CLMP: variants seen among roughly 807,000 people sequenced by gnomAD.
CLMP encodes CXADR like cell adhesion molecule, also known as CXADR-like membrane protein.
CLMP carries 27 observed loss-of-function variants against 45.2 expected under a neutral mutation model. That is an observed-to-expected ratio of 0.60 (90% CI 0.44 to 0.82). The LOEUF (loss-of-function observed/expected upper bound fraction) is 0.82, where lower values mean the gene tolerates loss of function less well. Ranked by LOEUF, CLMP falls within the 40% of genes least tolerant of loss-of-function variation. The pLI is 0.00. For synonymous variants in CLMP, 167 were observed against 171.4 expected (o/e 0.97, Z 0.20); for missense variants, 403 against 448.4 (o/e 0.90, Z 0.91).
At chr11:123,170,190 T>C (rs1861611021) in intron 1 of CLMP, among the ~76,000 whole-genome samples, 1 of 152,124 alleles carries the variant, frequency 6.6e-6, no homozygotes, top group Non-Finnish European at 1.5e-5. Flanking sequence ...ATATTTGGGG[T>C]TAAAATATTT....
intron 5 of CLMP, among the ~76,000 whole-genome samples, chr11:123,077,618 C>T (rs1316375101): frequency 6.6e-6 from 1 of 152,090 alleles, no homozygotes. Flanking sequence ...GAGCCACATG[C>T]CCAGCCAAAA....
At chr11:123,128,113 A>G (rs1301789619) in intron 1 of CLMP, among the ~76,000 whole-genome samples, 1 of 152,110 alleles carries the variant, frequency 6.6e-6, no homozygotes, top group Non-Finnish European at 1.5e-5. Context: ...TTAACAATAA[A>G]AAATCAATTA....
At chr11:123,121,546 C>A (rs559161608) in intron 1 of CLMP, among the ~76,000 whole-genome samples, 2 of 152,216 alleles carry the variant, frequency 1.3e-5, no homozygotes, top group South Asian at 4.2e-4. Context: ...GATCTGCCTG[C>A]CTTGGCCTCC....
intron 1 of CLMP, among the ~76,000 whole-genome samples, chr11:123,146,473 C>A (rs7924892): frequency 0.34 from 51,425 of 151,786 alleles, 9,360 homozygotes; most frequent in African/African-American, 0.47. Flanking sequence ...CATCAGACAC[C>A]ACTCTGCTCT....
chr11:123,149,882 C>A (rs1325204196), intron 1 of CLMP, among the ~76,000 whole-genome samples: 1 of 151,592 alleles, frequency 6.6e-6, no homozygotes. Context: ...TGCAATCTCA[C>A]CTCACTGCAA....
intron 1 of CLMP, among the ~76,000 whole-genome samples, chr11:123,188,312 C>T (rs1483977352): frequency 6.6e-6 from 1 of 152,124 alleles, no homozygotes; most frequent in African/African-American, 2.4e-5. Flanking sequence ...GAGCTGCTCC[C>T]GCCATCCGTG....
chr11:123,166,205 G>C (rs1367625865), intron 1 of CLMP, among the ~76,000 whole-genome samples: 6 of 152,180 alleles, frequency 3.9e-5, no homozygotes, highest in Admixed American at 3.9e-4. Context: ...CAAGTTCTGG[G>C]GCACTGGTAG....
intron 1 of CLMP, among the ~76,000 whole-genome samples, chr11:123,122,028 G>A (rs1351896543): frequency 1.3e-5 from 2 of 152,188 alleles, no homozygotes; most frequent in Non-Finnish European, 2.9e-5. Context: ...GGGAACCACT[G>A]TGTCTGGCCC....
chr11:123,084,657 G>A lies in CLMP; in HGVS notation c.243C>T (p.Gly81=), dbSNP rs374703230. The change falls in exon 3 of 7, where the codon GGC becomes GGT. Residue 81 remains glycine, a synonymous_variant. Coordinates refer to ENST00000448775, the MANE Select transcript of CLMP (RefSeq NM_024769.5). ...GGAAATTGGAAGCAAAGGCCACTCG[G>A]CCCTTCTGTTCCTCAGTCAAGTTAT... ...VYNNLTEEQK[G]RVAFASNFLA... 7 of 1,614,032 alleles carry A rather than the reference G, an allele frequency of 4.3e-6. No homozygotes were observed. In the African/African-American group the frequency reaches 6.7e-5, roughly 15 times the overall value.
At position 123,166,678 on chromosome 11, in the gene CLMP, C is replaced by A. The variant is rs558333854; in HGVS notation, c.28+28235G>T. 2.0e-5 allele frequency among the ~76,000 whole-genome samples: 3 copies of A among 152,290 alleles called. No homozygotes were observed. In the East Asian group the frequency reaches 5.8e-4, roughly 29 times the overall value. ...ATAAGAGCTCCACCATCTCAGAAGTCTGCTGCCAATAGGAGGAAATAGTTC... is the reference window on the plus strand; with the variant it reads ...ATAAGAGCTCCACCATCTCAGAAGTATGCTGCCAATAGGAGGAAATAGTTC... On this transcript the variant is annotated intron_variant, in intron 1 of 6. Coordinates refer to ENST00000448775, the MANE Select transcript of CLMP (RefSeq NM_024769.5).
intron 1 of CLMP, among the ~76,000 whole-genome samples, chr11:123,127,679 C>T (rs1009990851): frequency 1.3e-5 from 2 of 152,128 alleles, no homozygotes; most frequent in Non-Finnish European, 1.5e-5. Context: ...AAATCACAGA[C>T]CAGTACCACT....
At chr11:123,159,327 G>A (rs138785816) in intron 1 of CLMP, among the ~76,000 whole-genome samples, 8 of 152,332 alleles carry the variant, frequency 5.3e-5, no homozygotes, top group African/African-American at 1.7e-4. Flanking sequence ...CTACTAAGAC[G>A]GAGCTGCGCT....
intron 1 of CLMP, among the ~76,000 whole-genome samples, chr11:123,138,948 G>T (rs976430429): frequency 6.6e-6 from 1 of 152,024 alleles, no homozygotes; most frequent in Non-Finnish European, 1.5e-5. Context: ...GAGCCACTGC[G>T]CCTGGACTCT....
chr11:123,139,773 G>A (rs145037176), intron 1 of CLMP, among the ~76,000 whole-genome samples: 4,021 of 151,956 alleles, frequency 0.026, 154 homozygotes, highest in African/African-American at 0.09. Flanking sequence ...CCGAGATTGC[G>A]CTACTGCACT....
intron 3 of CLMP, 27 bp from the exon 4 acceptor site, chr11:123,083,874 T>C: frequency 6.2e-7 from 1 of 1,609,090 alleles, no homozygotes; most frequent in Non-Finnish European, 8.5e-7. Context: ...CAAGCAAAAG[T>C]GTAGTGATTC....
At position 123,166,546 on chromosome 11, in the gene CLMP, G is replaced by A. The variant is rs115899557; in HGVS notation, c.28+28367C>T. 8.2e-3 allele frequency among the ~76,000 whole-genome samples: 1,246 copies of A among 152,312 alleles called. 18 individuals carry two copies. The highest frequency in any genetic ancestry group is 0.028 in the African/African-American group (1,169 of 41,574). ...AGGCCGTGTTTGGACTAGAAGGCCC[G>A]TGACCCTTCCCCAGTGTGGGAGAAC... On this transcript the variant is annotated intron_variant, in intron 1 of 6. Transcript: ENST00000448775.
At chr11:123,077,614 C>T (rs1270464657) in intron 5 of CLMP, among the ~76,000 whole-genome samples, 2 of 152,212 alleles carry the variant, frequency 1.3e-5, no homozygotes, top group African/African-American at 4.8e-5. Context: ...GTGTGAGCCA[C>T]ATGCCCAGCC....
intron 1 of CLMP, among the ~76,000 whole-genome samples, chr11:123,100,998 G>A (rs985733725): frequency 6.6e-6 from 1 of 152,068 alleles, no homozygotes; most frequent in African/African-American, 2.4e-5. Context: ...GAACAAGTGG[G>A]CTCTTACAAG....
chr11:123,166,181 G>C (rs1391807790), intron 1 of CLMP, among the ~76,000 whole-genome samples: 3 of 152,164 alleles, frequency 2.0e-5, no homozygotes, highest in East Asian at 3.9e-4. Flanking sequence ...GCCTGAAGGG[G>C]GAGCAGTCGA....
Sources: allele counts gnomAD v4.1 joint callset (sites outside exome capture counted in the v4.1 genomes callset), GRCh38; gene constraint gnomAD v4.1.1; transcripts MANE v1.5; gene names NCBI Gene and HGNC (gene_info 2026-07-23, HGNC 2026-07-21).